Variants in MCCC2 observed in about 807,000 individuals in gnomAD.
MCCC2 encodes methylcrotonoyl-CoA carboxylase beta chain, mitochondrial.
Under a neutral mutation model 77.2 loss-of-function variants are expected in MCCC2, and 52 were observed. The ratio of observed to expected loss-of-function variants is 0.67; its 90% CI spans 0.54 to 0.85. The LOEUF is 0.85. Ranked by LOEUF, MCCC2 falls within the 40% of genes least tolerant of loss-of-function variation. MCCC2 has a pLI of 0.00. For synonymous variants in MCCC2, 253 were observed against 248.4 expected, an observed-to-expected ratio of 1.02 and a Z score of -0.18; for missense variants, 682 against 703.2, an observed-to-expected ratio of 0.97 and a Z score of 0.34.
intron 8 of MCCC2, among the ~76,000 whole-genome samples, chr5:71,633,125 A>ATTTT (rs1398247533): frequency 2.3e-5 from 1 of 42,900 alleles, no homozygotes; most frequent in Non-Finnish European, 4.7e-5. Context: ...ATATATATAT[A>ATTTT]TATATATTTT....
intron 16 of MCCC2, among the ~76,000 whole-genome samples, chr5:71,655,928 A>T (rs1474024099): frequency 6.6e-6 from 1 of 152,186 alleles, no homozygotes; most frequent in African/African-American, 2.4e-5. Flanking sequence ...AAATGTACTG[A>T]AGCTGGCCGG....
chr5:71,643,896 G>A lies in MCCC2; in HGVS notation c.1149+1G>A, dbSNP rs2112460011. On this transcript the variant is annotated splice_donor_variant, in intron 12 of 16. Transcript: ENST00000340941. LOFTEE classifies it high-confidence loss of function. ...TCTCTTTTCTGAATCTGCAAAAAAG[G>A]CAAGTACTGTTAAAAATATTTCAAG... is the stretch of plus-strand genomic sequence containing the variant. 2.5e-6 allele frequency: 4 copies of A among 1,613,956 alleles called. No homozygotes were observed. Among genetic ancestry groups the A allele is most frequent in the South Asian group, 1.1e-5 (1 of 91,060 alleles).
At chr5:71,641,547 A>G (rs1437349344) in intron 11 of MCCC2, among the ~76,000 whole-genome samples, 2 of 152,040 alleles carry the variant, frequency 1.3e-5, no homozygotes, top group Admixed American at 1.3e-4. Context: ...AAGCTGATTC[A>G]TGCAGACACT....
Position 71,635,166 on chromosome 5 carries a change from T to C in MCCC2, c.919T>C (p.Ser307Pro), listed in dbSNP as rs1433846335. The change falls in exon 10 of 17, where the codon TCT becomes CCT. Residue 307 changes from serine to proline, a missense_variant. Physicochemically the swap from Ser to Pro is moderately conservative, Grantham distance 74. Transcript: ENST00000340941. Reference sequence around the variant, plus strand: ...ATTTCTGCAGGTCACCATTGAACCTTCTGAAGAGCCTTTATTTCCTGCTGA... The same window carrying C: ...ATTTCTGCAGGTCACCATTGAACCTCCTGAAGAGCCTTTATTTCCTGCTGA... Reference protein sequence around the residue: ...QKKLDVTIEPSEEPLFPADEL... With the variant: ...QKKLDVTIEPPEEPLFPADEL... 4 of 1,614,060 alleles carry C rather than the reference T, an allele frequency of 2.5e-6. No homozygotes were observed. Among genetic ancestry groups the C allele is most frequent in the Non-Finnish European group, 3.4e-6 (4 of 1,180,018 alleles).
intron 4 of MCCC2, 91 bp downstream of exon 4, chr5:71,599,851 G>A (rs1417046361): frequency 6.0e-6 from 6 of 1,007,220 alleles, no homozygotes; most frequent in South Asian, 1.3e-5. Flanking sequence ...ATATTAGCAT[G>A]CGATTTGTAT....
intron 11 of MCCC2, among the ~76,000 whole-genome samples, chr5:71,641,697 A>G (rs192322079): frequency 1.1e-3 from 163 of 152,360 alleles, no homozygotes; most frequent in African/African-American, 3.3e-3. Context: ...ATAATAATCT[A>G]TTTGGGACAA....
At chr5:71,634,686 T>C (rs1746855862) in intron 8 of MCCC2, among the ~76,000 whole-genome samples, 1 of 152,224 alleles carries the variant, frequency 6.6e-6, no homozygotes, top group South Asian at 2.1e-4. Flanking sequence ...CTTATGTAGC[T>C]ACTTGTGGTC....
chr5:71,652,736 C>A lies in MCCC2; in HGVS notation c.1556C>A (p.Pro519His). ...AAGAAGTTTGAAGAGGAAGGAAACCCTTACTATTCCAGCGCAAGGTGGGGG... is the reference window on the plus strand; with the variant it reads ...AAGAAGTTTGAAGAGGAAGGAAACCATTACTATTCCAGCGCAAGGTGGGGG... ...IIKKFEEEGN[P>H]YYSSARVWDD... The change falls in exon 16 of 17, where the codon CCT (proline) becomes CAT (histidine). Residue 519 changes from proline to histidine, a missense_variant. Transcript: ENST00000340941. 1 of 1,614,128 alleles carries A rather than the reference C, an allele frequency of 6.2e-7. No homozygotes were observed. Among genetic ancestry groups the A allele is most frequent in the Non-Finnish European group, 8.5e-7 (1 of 1,180,024 alleles).
rs1474283883 is a variant in MCCC2 at position 71,658,642 on chromosome 5, G to T, written c.*1782G>T. On this transcript the variant is annotated 3_prime_UTR_variant, in exon 17 of 17. Transcript: ENST00000340941. The stretch of plus-strand genomic sequence containing the variant: ...TCTGGCCACATAGTTTTAAAATTAG[G>T]TGATTGATTATATGACCGAATAGAA... 1 of 152,104 alleles carries T rather than the reference G, an allele frequency of 6.6e-6. No individual in the cohort carries two copies. The highest frequency in any genetic ancestry group is 1.5e-5 in the Non-Finnish European group (1 of 68,032). 9.4% of individuals were successfully genotyped at this position (152,104 alleles called of 1,614,324 possible).
At chr5:71,608,520 C>G (rs1473969098) in intron 6 of MCCC2, among the ~76,000 whole-genome samples, 141 of 150,238 alleles carry the variant, frequency 9.4e-4, no homozygotes, top group African/African-American at 3.3e-3. Flanking sequence ...TGGGTCTTGA[C>G]TCTTTATCCA....
intron 12 of MCCC2, among the ~76,000 whole-genome samples, 159 bp downstream of exon 12, chr5:71,644,054 TGTGTGTGTGTGTGTGTGCGC>T (rs1747209443): frequency 6.8e-6 from 1 of 147,404 alleles, no homozygotes; most frequent in African/African-American, 2.6e-5. Context: ...TGTGTGTGTG[TGTGTGTGTGTGTGTGTGCGC>T]GCGTGTGTAT....
chr5:71,616,698 CT>C (rs1362605946), intron 6 of MCCC2, among the ~76,000 whole-genome samples: 1 of 152,192 alleles, frequency 6.6e-6, no homozygotes, highest in African/African-American at 2.4e-5. Context: ...TCATCCTTGG[CT>C]CTTTTCTCTG....
chr5:71,631,731 G>A (rs1305279243), intron 7 of MCCC2, among the ~76,000 whole-genome samples: 2 of 148,622 alleles, frequency 1.3e-5, no homozygotes, highest in African/African-American at 2.5e-5. Context: ...TAGTAGAGAC[G>A]GGGTTTCACC....
chr5:71,590,391 T>C (rs185185611), intron 1 of MCCC2, among the ~76,000 whole-genome samples: 66 of 152,320 alleles, frequency 4.3e-4, no homozygotes, highest in African/African-American at 1.5e-3. Context: ...AAATGTCAGC[T>C]TCAGTGGGTC....
At chr5:71,644,280 A>G (rs1337833598) in intron 12 of MCCC2, among the ~76,000 whole-genome samples, 1 of 152,156 alleles carries the variant, frequency 6.6e-6, no homozygotes, top group Non-Finnish European at 1.5e-5. Context: ...AAAGTGCTTC[A>G]TGTCCTGGAG....
chr5:71,638,370 A>G (rs1012839910), intron 10 of MCCC2, among the ~76,000 whole-genome samples: 1 of 152,188 alleles, frequency 6.6e-6, no homozygotes, highest in African/African-American at 2.4e-5. Flanking sequence ...TTAATTAAAT[A>G]TCCTTAATGT....
intron 6 of MCCC2, among the ~76,000 whole-genome samples, chr5:71,619,070 C>G (rs1746278484): frequency 6.6e-6 from 1 of 152,104 alleles, no homozygotes; most frequent in Non-Finnish European, 1.5e-5. Context: ...CCTATTTTCA[C>G]TTCTTTTTGG....
chr5:71,609,676 G>GT (rs1273817479), intron 6 of MCCC2, among the ~76,000 whole-genome samples: 2 of 151,474 alleles, frequency 1.3e-5, no homozygotes, highest in Non-Finnish European at 3.0e-5. Context: ...TTTCTGTTCT[G>GT]TTTTTTCCCC....
At chr5:71,652,604 G>C in intron 15 of MCCC2, 65 bp from the exon 16 acceptor site, 1 of 1,205,658 alleles carries the variant, frequency 8.3e-7, no homozygotes, top group African/African-American at 1.5e-5. Flanking sequence ...CTTTTGAATT[G>C]AGATGATCTA....
Sources: allele counts gnomAD v4.1 joint callset (sites outside exome capture counted in the v4.1 genomes callset), GRCh38; gene constraint gnomAD v4.1.1; transcripts MANE v1.5; gene names NCBI Gene and HGNC (gene_info 2026-07-23, HGNC 2026-07-21).